IQCH: variants seen among roughly 807,000 people sequenced by gnomAD.
IQCH encodes the protein IQ motif containing H.
A neutral mutation model predicts 117.0 loss-of-function variants in IQCH; 98 were observed. The observed-to-expected ratio is 0.84, with a 90% confidence interval of 0.71 to 0.99. The LOEUF (loss-of-function observed/expected upper bound fraction) is 0.99, where lower values mean the gene tolerates loss of function less well. Among genes scored for constraint, IQCH ranks in the 50% least tolerant of loss-of-function variants. IQCH has a pLI of 0.00. For missense variants in IQCH, 1,102 were observed against 1,243.8 expected, an observed-to-expected ratio of 0.89 and a Z score of 1.72; for synonymous variants, 412 against 448.2, an observed-to-expected ratio of 0.92 and a Z score of 1.02.
At chr15:67,255,999 G>A (rs1037023937) in intron 1 of IQCH, among the ~76,000 whole-genome samples, 1 of 152,096 alleles carries the variant, frequency 6.6e-6, no homozygotes, top group Non-Finnish European at 1.5e-5. Flanking sequence ...CTCACTACCT[G>A]CAAGTTCAGG....
In IQCH at chr15:67,479,731, T is replaced by C. The variant is rs2083296136; in HGVS notation, c.2799+3913T>C. On this transcript the variant is annotated intron_variant, in intron 18 of 20. Coordinates refer to ENST00000335894, the MANE Select transcript of IQCH (RefSeq NM_001031715.3). The surrounding 1 kb of genome is among the most constrained non-coding windows in gnomAD (Gnocchi z 4.6). ...GGTTGAATTTAACATGGGTGCTCGT[T>C]CCAGAAAAAGAAAGCAACATTAATA... Among the ~76,000 whole-genome samples, 1 of 152,204 alleles carries C rather than the reference T, an allele frequency of 6.6e-6. No homozygotes were observed. Among genetic ancestry groups the C allele is most frequent in the South Asian group, 2.1e-4 (1 of 4,830 alleles).
At chr15:67,489,195 G>A (rs1237245146) in intron 18 of IQCH, among the ~76,000 whole-genome samples, 4 of 149,410 alleles carry the variant, frequency 2.7e-5, no homozygotes, top group Admixed American at 1.3e-4. Flanking sequence ...CACCACACCC[G>A]GCTAATTTTT....
intron 12 of IQCH, among the ~76,000 whole-genome samples, chr15:67,392,327 A>T (rs561111148): frequency 6.6e-6 from 1 of 152,156 alleles, no homozygotes; most frequent in African/African-American, 2.4e-5. Context: ...ACATGTCTTC[A>T]TTGGAATAAT....
chr15:67,444,073 TGTAA>T (rs1318815048), intron 16 of IQCH, among the ~76,000 whole-genome samples: 1 of 148,500 alleles, frequency 6.7e-6, no homozygotes, highest in Non-Finnish European at 1.5e-5. Flanking sequence ...TGACTTGCTT[TGTAA>T]GTATCTCCCC....
chr15:67,415,625 G>A (rs369329369), intron 14 of IQCH, among the ~76,000 whole-genome samples: 1 of 152,194 alleles, frequency 6.6e-6, no homozygotes. Flanking sequence ...GCAGTGCATA[G>A]AGGACAATCA....
intron 4 of IQCH, among the ~76,000 whole-genome samples, chr15:67,318,760 T>C (rs1596169540): frequency 1.3e-5 from 2 of 152,218 alleles, no homozygotes; most frequent in East Asian, 3.9e-4. Flanking sequence ...TGGAATGTAA[T>C]AAAGGTGACA....
In IQCH at chr15:67,369,512, A is replaced by AAG. The variant is rs752054878; in HGVS notation, c.754-2599_754-2598insAG. On this transcript the variant is annotated intron_variant, in intron 8 of 20. Transcript: ENST00000335894. The surrounding 1 kb of genome is among the most constrained non-coding windows in gnomAD (Gnocchi z 5.2). ...AAGAGAAAAAGAAAAAAGAGAAAGA[A>AAG]GAGAGGGAAGGGGAAAGAAGGGAAG... Among the ~76,000 whole-genome samples the AAG allele has an allele frequency of 0.44, 66,467 of 150,132 alleles. 15,186 individuals carry two copies. The highest frequency in any genetic ancestry group is 0.52 in the Non-Finnish European group (34,998 of 67,476).
chr15:67,321,486 CTT>C (rs869283170), intron 4 of IQCH, among the ~76,000 whole-genome samples: 7 of 129,750 alleles, frequency 5.4e-5, no homozygotes, highest in Non-Finnish European at 1.0e-4. Context: ...TTCTTTCTTT[CTT>C]TTTCTTTCTT....
chr15:67,419,804 C>T (rs76752304), intron 15 of IQCH, among the ~76,000 whole-genome samples: 2,088 of 152,200 alleles, frequency 0.014, 59 homozygotes, highest in African/African-American at 0.049. Context: ...GAATTAATTG[C>T]TTTGAGTGGA....
rs1159138637 is a variant in IQCH at position 67,466,847 on chromosome 15, A to C, written c.2676+1550A>C. On this transcript the variant is annotated intron_variant, in intron 17 of 20. Transcript: ENST00000335894. This position sits in a 1 kb window ranked among gnomAD's most constrained non-coding sequence, Gnocchi z 4.4. ...CATCCTCACCAAAGAGACCTGAGAGACCCTATGTTCAGTGCTAGAGGGAGA... is the reference window on the plus strand; with the variant it reads ...CATCCTCACCAAAGAGACCTGAGAGCCCCTATGTTCAGTGCTAGAGGGAGA... 1 of 152,278 alleles carries C rather than the reference A, an allele frequency of 6.6e-6. No homozygotes were observed. The highest frequency in any genetic ancestry group is 1.5e-5 in the Non-Finnish European group (1 of 68,164). The allele number at this position is 152,278 out of a possible 1,614,324, so 9.4% of individuals were successfully genotyped here.
chr15:67,348,179 A>C (rs1186228529), intron 6 of IQCH, among the ~76,000 whole-genome samples: 1 of 152,160 alleles, frequency 6.6e-6, no homozygotes, highest in Non-Finnish European at 1.5e-5. Context: ...CTTTTCACCT[A>C]AGATCAGGAA....
Position 67,254,957 on chromosome 15 carries a change from G to A in IQCH, c.51+10G>A, listed in dbSNP as rs371158214. The A allele has an allele frequency of 1.8e-4, 293 of 1,612,048 alleles. No homozygotes were observed. The highest frequency in any genetic ancestry group is 1.2e-3 in the Middle Eastern group (7 of 6,080). The stretch of plus-strand genomic sequence containing the variant: ...ATCCATCTTAATCCAGGTGGGAAAC[G>A]GGCTTCCCCCGGCCCTGCCCTGCCC... On this transcript the variant is annotated intron_variant, in intron 1 of 20. Transcript: ENST00000335894.
At chr15:67,304,348 G>T in intron 4 of IQCH, 1 of 1,511,968 alleles carries the variant, frequency 6.6e-7, no homozygotes, top group South Asian at 1.2e-5. Context: ...GCGAAAGATA[G>T]GGTTGAATGT....
intron 6 of IQCH, among the ~76,000 whole-genome samples, chr15:67,347,759 G>C (rs959261282): frequency 6.7e-6 from 1 of 148,312 alleles, no homozygotes; most frequent in African/African-American, 2.5e-5. Context: ...AGATACAAAA[G>C]TCCTTCACAA....
chr15:67,382,492 C>T (rs1970966400), intron 10 of IQCH, among the ~76,000 whole-genome samples: 1 of 152,162 alleles, frequency 6.6e-6, no homozygotes, highest in African/African-American at 2.4e-5. Context: ...GGAACTTGGA[C>T]GTTTTTGAAG....
At chr15:67,291,209 C>A (rs1596112464) in intron 4 of IQCH, among the ~76,000 whole-genome samples, 1 of 151,970 alleles carries the variant, frequency 6.6e-6, no homozygotes, top group African/African-American at 2.4e-5. Context: ...TTGGCAAAAG[C>A]AAAAAGGTGA....
intron 8 of IQCH, chr15:67,371,545 T>C (rs755706850): frequency 2.0e-5 from 29 of 1,450,400 alleles, no homozygotes; most frequent in Non-Finnish European, 2.5e-5. Context: ...TGATAACATA[T>C]AACATAATGT....
chr15:67,399,338 A>C (rs1446618205), intron 13 of IQCH, among the ~76,000 whole-genome samples: 1 of 152,204 alleles, frequency 6.6e-6, no homozygotes, highest in Non-Finnish European at 1.5e-5. Context: ...AACTGACATG[A>C]GCCAAGGCCT....
chr15:67,387,280 C>T lies in IQCH; in HGVS notation c.1457-1551C>T, dbSNP rs1971137152. ...GCACCTGCTCTGGGCCTAGCTAGGT[C>T]ACTTCAGAAAACACCCCCTCTAGGT... On this transcript the variant is annotated intron_variant, in intron 11 of 20. Transcript: ENST00000335894. The surrounding 1 kb of genome is among the most constrained non-coding windows in gnomAD (Gnocchi z 4.8). 6.6e-6 allele frequency among the ~76,000 whole-genome samples: 1 copy of T among 152,104 alleles called. No homozygotes were observed. The highest frequency in any genetic ancestry group is 1.5e-5 in the Non-Finnish European group (1 of 68,006).
Sources: gnomAD v4.1 joint callset for allele counts (sites outside exome capture counted in the v4.1 genomes callset) on GRCh38, gnomAD v4.1.1 for gene constraint, Gnocchi (gnomAD v3.1) non-coding constraint, MANE v1.5 for transcripts, NCBI Gene and HGNC (gene_info 2026-07-23, HGNC 2026-07-21) for gene names.